Variants in MGA observed in about 807,000 individuals in gnomAD.
MGA encodes the protein MAX gene-associated protein.
A neutral mutation model predicts 261.1 loss-of-function variants in MGA; 40 were observed. That is an observed-to-expected ratio of 0.15 (90% CI 0.12 to 0.20). The LOEUF (loss-of-function observed/expected upper bound fraction) is 0.20. Among genes scored for constraint, MGA ranks in the 10% least tolerant of loss-of-function variants. The pLI is 1.00. For synonymous variants in MGA, 1,302 were observed against 1,290.6 expected (o/e 1.01, Z -0.19); for missense variants, 3,397 against 3,630.5 (o/e 0.94, Z 1.65).
At position 41,696,473 on chromosome 15, in the gene MGA, A is replaced by G. The variant is rs977822745; in HGVS notation, c.1463A>G (p.Asp488Gly). The G allele has an allele frequency of 3.1e-6, 5 of 1,613,926 alleles. No homozygotes were observed. In the African/African-American group the frequency reaches 6.7e-5, roughly 22 times the overall value. The change falls in exon 3 of 24, where the codon GAT becomes GGT. Residue 488 changes from aspartate (D) to glycine (G), a missense_variant. Asp to Gly is a moderately conservative substitution (Grantham distance 94). Coordinates refer to ENST00000219905, the MANE Select transcript of MGA (RefSeq NM_001164273.2). ...ACAGTTAAGATTTCTGAACTCCCCG[A>G]TAACATGCTTTCCACATCTCGAAAG...
chr15:41,753,737 G>T (rs1235813271), intron 17 of MGA, among the ~76,000 whole-genome samples: 1 of 151,992 alleles, frequency 6.6e-6, no homozygotes, highest in African/African-American at 2.4e-5. Context: ...CCTTAAAGTG[G>T]CACTTGAATT....
At chr15:41,701,863 A>G (rs1457798230) in intron 5 of MGA, among the ~76,000 whole-genome samples, 2 of 152,256 alleles carry the variant, frequency 1.3e-5, no homozygotes, top group Non-Finnish European at 2.9e-5. Flanking sequence ...TTTAAAATTT[A>G]TTCAACTACA....
upstream of MGA, among the ~76,000 whole-genome samples, chr15:41,656,377 T>TCTCTCTCTCTCTCACACA (rs1555403733): frequency 1.8e-4 from 12 of 68,312 alleles, no homozygotes; most frequent in Non-Finnish European, 3.1e-4. Flanking sequence ...TCTCTCTCTC[T>TCTCTCTCTCTCTCACACA]CACACCCAGG....
chr15:41,661,740 T>C (rs1781041477), intron 1 of MGA, among the ~76,000 whole-genome samples: 1 of 152,204 alleles, frequency 6.6e-6, no homozygotes, highest in Non-Finnish European at 1.5e-5. Flanking sequence ...CTGCTTGCTC[T>C]GTTCGTTCTT....
At chr15:41,683,408 T>A (rs1222730123) in intron 2 of MGA, among the ~76,000 whole-genome samples, 1 of 151,984 alleles carries the variant, frequency 6.6e-6, no homozygotes, top group Admixed American at 6.6e-5. Flanking sequence ...TTATTTTTAT[T>A]TTTTGTAGAT....
At chr15:41,684,290 G>C in intron 2 of MGA, 1 of 379,364 alleles carries the variant, frequency 2.6e-6, no homozygotes, top group South Asian at 2.0e-5. Context: ...GCTGGTGTTC[G>C]TCACACATTA....
chr15:41,708,293 T>G, intron 7 of MGA, 85 bp downstream of exon 7: 2 of 968,788 alleles, frequency 2.1e-6, no homozygotes, highest in Non-Finnish European at 3.1e-6. Flanking sequence ...GTTGTTTTTC[T>G]TCATTCCTTC....
At chr15:41,636,286 T>A (rs1049085221) in intron 1 of MGA, among the ~76,000 whole-genome samples, 7 of 151,194 alleles carry the variant, frequency 4.6e-5, no homozygotes, top group African/African-American at 1.7e-4. Flanking sequence ...CTAAATTTTT[T>A]ATTTTATTTT....
chr15:41,700,891 CATT>C (rs1465203564), intron 5 of MGA, among the ~76,000 whole-genome samples: 2 of 151,812 alleles, frequency 1.3e-5, no homozygotes, highest in African/African-American at 4.8e-5. Flanking sequence ...AGAGTCTAAA[CATT>C]ATAAGTTATC....
At chr15:41,702,263 C>T (rs2059892974) in intron 5 of MGA, among the ~76,000 whole-genome samples, 1 of 150,418 alleles carries the variant, frequency 6.6e-6, no homozygotes, top group Non-Finnish European at 1.5e-5. Context: ...GCGGAGCTTG[C>T]AGTGAGCCGA....
chr15:41,714,848 A>T (rs1323872913), intron 9 of MGA, among the ~76,000 whole-genome samples: 1 of 152,214 alleles, frequency 6.6e-6, no homozygotes, highest in Non-Finnish European at 1.5e-5. Context: ...TGTCATATGG[A>T]TAGGCAGAAA....
At position 41,735,565 on chromosome 15, in the gene MGA, C is replaced by T. The variant is rs150416011; in HGVS notation, c.3917-616C>T. 2.4e-3 allele frequency among the ~76,000 whole-genome samples: 372 copies of T among 152,130 alleles called. 1 individual carries two copies. The highest frequency in any genetic ancestry group is 8.4e-3 in the African/African-American group (349 of 41,498). Reference sequence around the variant, plus strand: ...CATCCTGGCCAACATGGTGAAACCCCGTCTCTAGTAAAAATACAAAAATTA... The same window carrying T: ...CATCCTGGCCAACATGGTGAAACCCTGTCTCTAGTAAAAATACAAAAATTA... On this transcript the variant is annotated intron_variant, in intron 12 of 23. Coordinates refer to ENST00000219905, the MANE Select transcript of MGA (RefSeq NM_001164273.2).
In MGA at chr15:41,749,111, G is replaced by A; in HGVS notation, c.5504G>A (p.Gly1835Glu). The change falls in exon 17 of 24, where the codon GGG becomes GAG. Residue 1835 changes from glycine to glutamate, a missense_variant and splice_region_variant. This residue lies in a region of MGA where 1,410 missense variants were observed against 1,386.4 expected (regional missense o/e 1.02). Coordinates refer to ENST00000219905, the MANE Select transcript of MGA (RefSeq NM_001164273.2). Reference sequence around the variant, plus strand: ...ATTTCTCTCTTATTTTTTAAACCAGGGTCTGTGATGGGAATCCGGTTACCT... The same window carrying A: ...ATTTCTCTCTTATTTTTTAAACCAGAGTCTGTGATGGGAATCCGGTTACCT... 5 of 1,605,690 alleles carry A rather than the reference G, an allele frequency of 3.1e-6. No individual in the cohort carries two copies. The highest frequency in any genetic ancestry group is 4.3e-6 in the Non-Finnish European group (5 of 1,175,262).
At chr15:41,630,480 A>G (rs1336504359) in intron 1 of MGA, among the ~76,000 whole-genome samples, 1 of 152,238 alleles carries the variant, frequency 6.6e-6, no homozygotes, top group Non-Finnish European at 1.5e-5. Context: ...GTAAGTAATT[A>G]AAAACTAAAT....
chr15:41,754,290 A>G (rs997298795), intron 17 of MGA, 147 bp from the exon 18 acceptor site: 5 of 635,608 alleles, frequency 7.9e-6, no homozygotes, highest in South Asian at 2.8e-5. Flanking sequence ...ATTCCTTATT[A>G]TGACTAACAA....
intron 5 of MGA, among the ~76,000 whole-genome samples, chr15:41,703,986 A>AT (rs760792282): frequency 2.0e-5 from 3 of 151,632 alleles, no homozygotes; most frequent in Non-Finnish European, 4.4e-5. Context: ...TTTTTTTGGT[A>AT]TTTTTTTGTA....
At chr15:41,630,572 T>C (rs544540296) in intron 1 of MGA, among the ~76,000 whole-genome samples, 1 of 152,330 alleles carries the variant, frequency 6.6e-6, no homozygotes, top group East Asian at 1.9e-4. Flanking sequence ...TTTAGTGATA[T>C]TCATTGTGGC....
At chr15:41,698,169 C>CTT (rs2059642258) in intron 3 of MGA, among the ~76,000 whole-genome samples, 1 of 71,176 alleles carries the variant, frequency 1.4e-5, no homozygotes, top group African/African-American at 3.9e-5. Context: ...TGCCCCTGGC[C>CTT]TCTTTTTTTT....
intron 2 of MGA, among the ~76,000 whole-genome samples, chr15:41,671,976 GCT>G (rs757552694): frequency 5.3e-5 from 8 of 152,164 alleles, no homozygotes; most frequent in Non-Finnish European, 1.2e-4. Context: ...TTCAGCCACA[GCT>G]TAATCATCTT....
Sources: allele counts gnomAD v4.1 joint callset (sites outside exome capture counted in the v4.1 genomes callset), GRCh38; gene constraint gnomAD v4.1.1; regional missense constraint gnomAD v4.1.1; transcripts MANE v1.5; gene names NCBI Gene and HGNC (gene_info 2026-07-23, HGNC 2026-07-21).